The following PRKCE variants were observed in gnomAD, a reference collection of about 807,000 sequenced individuals.
The protein encoded by PRKCE is protein kinase C epsilon type.
Under a neutral mutation model 85.4 loss-of-function variants are expected in PRKCE, and 16 were observed. The observed-to-expected ratio is 0.19, with a 90% CI of 0.13 to 0.28. The LOEUF is 0.28. PRKCE is among the 10% of genes least tolerant of loss of function. The pLI, the probability that PRKCE is intolerant of heterozygous loss-of-function variation, is 1.00. For synonymous variants in PRKCE, 388 were observed against 371.5 expected (o/e 1.04, Z -0.51); for missense variants, 573 against 975.2 (o/e 0.59, Z 5.49).
intron 1 of PRKCE, among the ~76,000 whole-genome samples, chr2:45,714,751 C>G (rs1335555433): frequency 1.3e-5 from 2 of 152,162 alleles, no homozygotes; most frequent in African/African-American, 4.8e-5. Flanking sequence ...TTCCCTGACT[C>G]AGGGGATGAT....
At chr2:46,012,347 A>G (rs1188309098) in intron 10 of PRKCE, among the ~76,000 whole-genome samples, 1 of 150,506 alleles carries the variant, frequency 6.6e-6, no homozygotes, top group Non-Finnish European at 1.5e-5. Flanking sequence ...CAGTGAGAAA[A>G]TTGGGTTTCA....
rs949953574 is a variant in PRKCE, at chr2:46,145,285, G to A, written c.1731+54G>A. ...CTCCTGGTGCCAGGACCGAGGCAGGGGTCCAAACCCATGCACTGGGGTCAT... is the reference window on the plus strand; with the variant it reads ...CTCCTGGTGCCAGGACCGAGGCAGGAGTCCAAACCCATGCACTGGGGTCAT... On this transcript the variant is annotated intron_variant, in intron 12 of 14. Coordinates refer to ENST00000306156, the MANE Select transcript of PRKCE (RefSeq NM_005400.3). The surrounding 1 kb of genome is among the most constrained non-coding windows in gnomAD (Gnocchi z 4.6). 6.3e-7 allele frequency: 1 copy of A among 1,591,576 alleles called. No homozygotes were observed. Among genetic ancestry groups the A allele is most frequent in the Admixed American group, 1.7e-5 (1 of 59,904 alleles).
At position 46,076,209 on chromosome 2, in the gene PRKCE, G is replaced by A. The variant is rs147692456; in HGVS notation, c.1438-9999G>A. ...CCATTCCTGCTTAACTTTAGATGCT[G>A]CTATTGTTCGTGGCAGGAGATCGCT... On this transcript the variant is annotated intron_variant, in intron 10 of 14. Coordinates refer to ENST00000306156, the MANE Select transcript of PRKCE (RefSeq NM_005400.3). 1.3e-3 allele frequency among the ~76,000 whole-genome samples: 198 copies of A among 152,340 alleles called. 1 individual carries two copies. The highest frequency in any genetic ancestry group is 4.5e-3 in the African/African-American group (186 of 41,580).
intron 1 of PRKCE, among the ~76,000 whole-genome samples, chr2:45,740,809 C>A (rs921411922): frequency 6.6e-6 from 1 of 152,198 alleles, no homozygotes; most frequent in Non-Finnish European, 1.5e-5. Flanking sequence ...TCATCTCAGA[C>A]CACAGTTGTT....
intron 10 of PRKCE, among the ~76,000 whole-genome samples, chr2:46,034,876 A>G (rs1485237021): frequency 6.6e-6 from 1 of 152,226 alleles, no homozygotes; most frequent in Non-Finnish European, 1.5e-5. Flanking sequence ...TGAGGTTTGC[A>G]CCTTTGCAAA....
intron 1 of PRKCE, among the ~76,000 whole-genome samples, chr2:45,820,145 C>T (rs1002810193): frequency 9.2e-5 from 14 of 152,150 alleles, no homozygotes; most frequent in African/African-American, 2.4e-4. Flanking sequence ...GGAAACATCA[C>T]GGCGCATCAG....
intron 1 of PRKCE, among the ~76,000 whole-genome samples, chr2:45,762,456 C>T (rs1200998306): frequency 6.6e-6 from 1 of 152,230 alleles, no homozygotes; most frequent in African/African-American, 2.4e-5. Context: ...CTCAAACTCA[C>T]ATCCTCAGAG....
chr2:45,819,216 G>T (rs1176593151), intron 1 of PRKCE, among the ~76,000 whole-genome samples: 1 of 152,128 alleles, frequency 6.6e-6, no homozygotes, highest in Non-Finnish European at 1.5e-5. Context: ...TGTGAGGGAG[G>T]TACTTTGTCC....
intron 11 of PRKCE, among the ~76,000 whole-genome samples, chr2:46,087,207 A>G (rs917908336): frequency 7.3e-5 from 11 of 151,398 alleles, no homozygotes; most frequent in Non-Finnish European, 1.3e-4. Flanking sequence ...CGTTTCACCT[A>G]GAACTTGGTG....
intron 1 of PRKCE, among the ~76,000 whole-genome samples, chr2:45,802,921 C>T (rs1012268194): frequency 5.9e-5 from 9 of 152,192 alleles, no homozygotes; most frequent in African/African-American, 7.2e-5. Context: ...GAACACAGCT[C>T]GCTTCTGGAT....
At chr2:45,663,269 T>C (rs1360518814) in intron 1 of PRKCE, among the ~76,000 whole-genome samples, 3 of 152,188 alleles carry the variant, frequency 2.0e-5, no homozygotes, top group Admixed American at 1.3e-4. Context: ...AAAAACATTA[T>C]AATTAGAAAA....
At chr2:46,040,069 C>T (rs989769003) in intron 10 of PRKCE, among the ~76,000 whole-genome samples, 12 of 152,222 alleles carry the variant, frequency 7.9e-5, no homozygotes, top group African/African-American at 2.9e-4. Flanking sequence ...CTGGTCAACA[C>T]ACCCATTAAC....
intron 11 of PRKCE, among the ~76,000 whole-genome samples, chr2:46,127,410 C>G (rs1381077634): frequency 6.6e-6 from 1 of 152,236 alleles, no homozygotes; most frequent in Non-Finnish European, 1.5e-5. Flanking sequence ...TGATCCTAAC[C>G]TCTCAGCTTC....
chr2:45,779,891 C>A (rs1250869871), intron 1 of PRKCE, among the ~76,000 whole-genome samples: 1 of 152,164 alleles, frequency 6.6e-6, no homozygotes, highest in African/African-American at 2.4e-5. Context: ...AAATTTTAAA[C>A]ATATGCAAAC....
At chr2:45,865,782 G>A (rs1294683643) in intron 2 of PRKCE, among the ~76,000 whole-genome samples, 1 of 150,280 alleles carries the variant, frequency 6.7e-6, no homozygotes, top group African/African-American at 2.4e-5. Context: ...TCAGCCTGCA[G>A]AACTCTGAGA....
In PRKCE at chr2:45,976,429, C is replaced by A. The variant is rs1702459267; in HGVS notation, c.413C>A (p.Ala138Asp). 4.4e-6 allele frequency: 7 copies of A among 1,599,386 alleles called. No individual in the cohort carries two copies. Among genetic ancestry groups the A allele is most frequent in the Admixed American group, 1.7e-5 (1 of 60,012 alleles). ...IIDLSGSSGEAPKDNEERVFR... is the reference protein window; with the variant it reads ...IIDLSGSSGEDPKDNEERVFR... ...CTTCCCTGCTCTTGTCCTTCCCCAGCCCCTAAAGACAATGAAGAGCGTGTG... is the reference window on the plus strand; with the variant it reads ...CTTCCCTGCTCTTGTCCTTCCCCAGACCCTAAAGACAATGAAGAGCGTGTG... Residue 138 changes from alanine (A) to aspartate (D), a missense_variant and splice_region_variant, in exon 3 of 15, where the codon GCC (alanine) becomes GAC (aspartate). By Grantham distance (126) the Ala-to-Asp change is moderately radical. Around this residue, in one of 11 missense-constraint regions of PRKCE, gnomAD observed 33 missense variants for 33.7 expected, o/e 0.98. Transcript: ENST00000306156.
At chr2:46,154,482 G>A (rs979561631) in intron 13 of PRKCE, among the ~76,000 whole-genome samples, 8 of 40,250 alleles carry the variant, frequency 2.0e-4, no homozygotes, top group African/African-American at 7.5e-4. Flanking sequence ...CCCGCCCGCC[G>A]CCGCATTTCT....
chr2:46,078,368 C>T (rs1263666295), intron 10 of PRKCE: 1 of 125,890 alleles, frequency 7.9e-6, no homozygotes, highest in Non-Finnish European at 1.6e-5. Flanking sequence ...AGACTCTTGT[C>T]TCTAAAAAAA....
chr2:45,838,361 G>A (rs955866945), intron 1 of PRKCE, among the ~76,000 whole-genome samples: 7 of 152,224 alleles, frequency 4.6e-5, no homozygotes, highest in African/African-American at 1.7e-4. Flanking sequence ...AATTCTGGCT[G>A]AAAGCTCTCT....
Sources: gnomAD v4.1 joint callset for allele counts (sites outside exome capture counted in the v4.1 genomes callset) on GRCh38, gnomAD v4.1.1 for gene constraint, gnomAD v4.1.1 regional missense constraint, Gnocchi (gnomAD v3.1) non-coding constraint, MANE v1.5 for transcripts, NCBI Gene and HGNC (gene_info 2026-07-23, HGNC 2026-07-21) for gene names.